CHKA: variants seen among roughly 807,000 people sequenced by gnomAD.
The protein encoded by CHKA is CHETK-alpha.
Under a neutral mutation model 60.1 loss-of-function variants are expected in CHKA, and 34 were observed. That is an observed-to-expected ratio of 0.57 (90% CI 0.43 to 0.75). The LOEUF (loss-of-function observed/expected upper bound fraction) is 0.75. Among genes scored for constraint, CHKA ranks in the 30% least tolerant of loss-of-function variants. CHKA has a pLI of 0.00. For synonymous variants in CHKA, 217 were observed against 223.1 expected (o/e 0.97, Z 0.24); for missense variants, 563 against 561.3 (o/e 1.00, Z -0.03).
rs200435085 is a variant in CHKA at position 68,071,746 on chromosome 11, TA to T, written c.631-890del. On this transcript the variant is annotated intron_variant, in intron 4 of 11. Coordinates refer to ENST00000265689, the MANE Select transcript of CHKA (RefSeq NM_001277.3). The stretch of plus-strand genomic sequence containing the variant: ...TCATACATCTGTGTGTTCCCATTTC[TA>T]TCAAATGGGAATCAGGACATGAATT... Among the ~76,000 whole-genome samples, 33 of 152,334 alleles carry T rather than the reference TA, an allele frequency of 2.2e-4. No individual in the cohort carries two copies. In the East Asian group the frequency reaches 4.6e-3, roughly 21 times the overall value.
intron 9 of CHKA, 31 bp downstream of exon 9, chr11:68,065,755 C>T (rs762963951): frequency 7.3e-7 from 1 of 1,364,078 alleles, no homozygotes; most frequent in Non-Finnish European, 1.0e-6. Context: ...ATGTAATTTT[C>T]CTATCAAGTA....
intron 4 of CHKA, among the ~76,000 whole-genome samples, chr11:68,071,414 G>A (rs866898940): frequency 6.6e-5 from 10 of 152,176 alleles, no homozygotes; most frequent in Admixed American, 3.9e-4. Flanking sequence ...GGCAAAGTTG[G>A]GCAAAGAAAC....
chr11:68,097,210 G>T, intron 1 of CHKA, 80 bp from the exon 2 acceptor site: 1 of 1,046,520 alleles, frequency 9.6e-7, no homozygotes, highest in Non-Finnish European at 1.4e-6. Context: ...TGGATGAAAA[G>T]TCAGGGTTAC....
chr11:68,069,009 T>A (rs1856532153), intron 6 of CHKA, 72 bp from the exon 7 acceptor site: 1 of 1,169,934 alleles, frequency 8.5e-7, no homozygotes, highest in East Asian at 2.4e-5. Flanking sequence ...TTTCTCCACA[T>A]GGCCAGCACC....
At chr11:68,066,743 C>T (rs1472266194) in intron 7 of CHKA, among the ~76,000 whole-genome samples, 1 of 152,214 alleles carries the variant, frequency 6.6e-6, no homozygotes, top group Non-Finnish European at 1.5e-5. Context: ...CCCCTGCTCA[C>T]AGCCCTAGTC....
Position 68,063,377 on chromosome 11 carries a change from G to A in CHKA, c.1232+1148C>T, listed in dbSNP as rs541921857. 7.0e-4 allele frequency among the ~76,000 whole-genome samples: 107 copies of A among 152,130 alleles called. 1 individual carries two copies. Among genetic ancestry groups the A allele is most frequent in the African/African-American group, 2.4e-3 (101 of 41,502 alleles). On this transcript the variant is annotated intron_variant, in intron 10 of 11. Coordinates refer to ENST00000265689, the MANE Select transcript of CHKA (RefSeq NM_001277.3). ...TAGCCAGGCATGGTGGTACGTGCCT[G>A]TAGTCCCAGTTACTTGGGAGGCTGA...
chr11:68,062,449 C>T (rs565185889), intron 10 of CHKA, among the ~76,000 whole-genome samples: 96 of 152,326 alleles, frequency 6.3e-4, no homozygotes, highest in South Asian at 4.3e-3. Context: ...TTGCTGGAGG[C>T]GGGATGAAGC....
chr11:68,094,406 T>A (rs576691344), intron 2 of CHKA, among the ~76,000 whole-genome samples: 56 of 152,086 alleles, frequency 3.7e-4, no homozygotes, highest in Non-Finnish European at 6.3e-4. Context: ...CTGGGCGTGG[T>A]GGCTCACTCC....
At chr11:68,112,343 G>A (rs889348272) in intron 1 of CHKA, among the ~76,000 whole-genome samples, 2 of 152,014 alleles carry the variant, frequency 1.3e-5, no homozygotes, top group African/African-American at 4.8e-5. Context: ...TGCAACCTCC[G>A]CCTCCCGGGT....
chr11:68,109,374 C>T (rs1353856987), intron 1 of CHKA, among the ~76,000 whole-genome samples: 3 of 152,142 alleles, frequency 2.0e-5, no homozygotes, highest in African/African-American at 7.2e-5. Context: ...CAGGCGTGAG[C>T]CACCGAGCCC....
rs1565181649 is a variant in CHKA at position 68,081,460 on chromosome 11, AT to A, written c.463-4del. The A allele has an allele frequency of 6.2e-7, 1 of 1,612,144 alleles. No individual in the cohort carries two copies. Among genetic ancestry groups the A allele is most frequent in the Non-Finnish European group, 8.5e-7 (1 of 1,178,276 alleles). Reference sequence around the variant, plus strand: ...GATCCCTCTTTATTACAGGACCTCTATGAATGAGAAAAAGGAAACACTTCTG... The same window carrying A: ...GATCCCTCTTTATTACAGGACCTCTAGAATGAGAAAAAGGAAACACTTCTG... On this transcript the variant is annotated splice_polypyrimidine_tract_variant and splice_region_variant and intron_variant, in intron 2 of 11. Coordinates refer to ENST00000265689, the MANE Select transcript of CHKA (RefSeq NM_001277.3).
At position 68,054,039 on chromosome 11, in the gene CHKA, G is replaced by A. The variant is rs764758799; in HGVS notation, c.1323C>T (p.Ala441=). 1.2e-6 allele frequency: 2 copies of A among 1,612,848 alleles called. No individual in the cohort carries two copies. The highest frequency in any genetic ancestry group is 3.3e-5 in the Admixed American group (2 of 59,868). ...SSIEFGYMDY[A]QARFDAYFHQ... is the part of the protein sequence containing the mutation. ...GGAAATAGGCATCAAACCTTGCTTG[G>A]GCGTAGTCCTAGGAGACAGCAAAGA... is the stretch of plus-strand genomic sequence containing the variant. The change falls in exon 12 of 12, where the codon GCC becomes GCT. Residue 441 remains alanine, a synonymous_variant. Transcript: ENST00000265689.
At chr11:68,110,220 C>T (rs1347780250) in intron 1 of CHKA, among the ~76,000 whole-genome samples, 1 of 152,152 alleles carries the variant, frequency 6.6e-6, no homozygotes, top group Admixed American at 6.6e-5. Flanking sequence ...AACAAGGTAA[C>T]AATGTTCCCC....
intron 4 of CHKA, 136 bp downstream of exon 4, chr11:68,074,581 A>G (rs1463528654): frequency 1.4e-6 from 1 of 734,608 alleles, no homozygotes; most frequent in Non-Finnish European, 2.4e-6. Flanking sequence ...GCTTTTCATG[A>G]TTTCTGATAC....
intron 3 of CHKA, among the ~76,000 whole-genome samples, chr11:68,081,157 T>A (rs1013686012): frequency 1.3e-5 from 2 of 152,198 alleles, no homozygotes; most frequent in Non-Finnish European, 2.9e-5. Context: ...ATCCGAATGC[T>A]GTTTCGATTG....
intron 4 of CHKA, among the ~76,000 whole-genome samples, chr11:68,071,517 G>T (rs948909818): frequency 1.3e-5 from 2 of 152,222 alleles, no homozygotes; most frequent in African/African-American, 4.8e-5. Flanking sequence ...TTTACAGGAG[G>T]CCCATGGGAG....
chr11:68,108,510 C>T (rs1858002690), intron 1 of CHKA, among the ~76,000 whole-genome samples: 1 of 152,170 alleles, frequency 6.6e-6, no homozygotes, highest in Non-Finnish European at 1.5e-5. Context: ...TTTGGGAGGC[C>T]AAGGCGGGAG....
intron 2 of CHKA, among the ~76,000 whole-genome samples, chr11:68,090,721 A>C (rs1857324310): frequency 6.6e-6 from 1 of 152,348 alleles, no homozygotes; most frequent in South Asian, 2.1e-4. Flanking sequence ...TACTCAAACA[A>C]GCACTAATAT....
chr11:68,062,643 T>G (rs1037270980), intron 10 of CHKA, among the ~76,000 whole-genome samples: 2 of 152,186 alleles, frequency 1.3e-5, no homozygotes, highest in Non-Finnish European at 2.9e-5. Context: ...CTCATCCACA[T>G]GAAGATAAAG....
Sources: gnomAD v4.1 joint callset for allele counts (sites outside exome capture counted in the v4.1 genomes callset) on GRCh38, gnomAD v4.1.1 for gene constraint, MANE v1.5 for transcripts, NCBI Gene and HGNC (gene_info 2026-07-23, HGNC 2026-07-21) for gene names.